The following ERCC2 variants were observed in gnomAD, a reference collection of about 807,000 sequenced individuals.
ERCC2 encodes ERCC excision repair 2, TFIIH core complex helicase subunit.
Under a neutral mutation model 99.4 loss-of-function variants are expected in ERCC2, and 90 were observed. The observed-to-expected ratio is 0.91, with a 90% confidence interval of 0.76 to 1.08. ERCC2 has a LOEUF of 1.08. Among genes scored for constraint, ERCC2 ranks in the 50% least tolerant of loss-of-function variants. ERCC2 has a pLI of 0.00. For synonymous variants in ERCC2, 497 were observed against 432.4 expected (o/e 1.15, Z -1.85); for missense variants, 993 against 1,038.1 (o/e 0.96, Z 0.60).
chr19:45,358,784 T>G lies in ERCC2; in HGVS notation c.1238-1085A>C, dbSNP rs79355499. ...TTTTTTTTCATGATAACTGTCACTT[T>G]CTGGAATTATTTCCTTGTTTATTTG... On this transcript the variant is annotated intron_variant, in intron 12 of 22. Transcript: ENST00000391945. 1.9e-3 allele frequency: 1,506 copies of G among 776,790 alleles called. 9 individuals carry two copies. Among genetic ancestry groups the G allele is most frequent in the Middle Eastern group, 8.1e-3 (36 of 4,430 alleles). The allele number at this position is 776,790 out of a possible 1,614,324, so 48.1% of individuals were successfully genotyped here. A position where few individuals can be genotyped will look rare whatever the true frequency, so the allele number is the denominator to read the frequency against.
intron 11 of ERCC2, among the ~76,000 whole-genome samples, chr19:45,363,121 T>C (rs911427449): frequency 6.6e-6 from 1 of 152,150 alleles, no homozygotes; most frequent in African/African-American, 2.4e-5. Context: ...AGAAGACCCA[T>C]GACTTACCCA....
Position 45,361,608 on chromosome 19 carries a change from T to C in ERCC2, c.1153A>G (p.Thr385Ala), listed in dbSNP as rs773372028. The C allele has an allele frequency of 6.2e-7, 1 of 1,613,656 alleles. No homozygotes were observed. Among genetic ancestry groups the C allele is most frequent in the Non-Finnish European group, 8.5e-7 (1 of 1,179,818 alleles). The part of the protein sequence containing the change: ...CAERLRSLLH[T>A]LEITDLADFS... ...TCAGCAAGGTCGGTGATCTCCAGAG[T>C]ATGCAGCAGGGACCGGAGGCGTTCA... Residue 385 changes from threonine (T) to alanine (A), a missense_variant, in exon 12 of 23, where the codon ACT becomes GCT. Physicochemically the swap from Thr to Ala is moderately conservative, Grantham distance 58. Transcript: ENST00000391945.
At chr19:45,352,185 C>G in intron 22 of ERCC2, 24 bp downstream of exon 22, 1 of 1,611,858 alleles carries the variant, frequency 6.2e-7, no homozygotes, top group Non-Finnish European at 8.5e-7. Flanking sequence ...TGGGAGGGTG[C>G]CGGGAGGGGG....
Position 45,358,535 on chromosome 19 carries a change from A to C in ERCC2, c.1238-836T>G. ...GCCATGTCACCTCCCCGCCCCAAGAAGCCTCCCATGGCCCCCACATGCCTC... is the reference window on the plus strand; with the variant it reads ...GCCATGTCACCTCCCCGCCCCAAGACGCCTCCCATGGCCCCCACATGCCTC... On this transcript the variant is annotated intron_variant, in intron 12 of 22. Transcript: ENST00000391945. The C allele has an allele frequency of 5.1e-6, 2 of 389,510 alleles. 1 individual carries two copies. Among genetic ancestry groups the C allele is most frequent in the South Asian group, 5.5e-5 (2 of 36,440 alleles). 24.1% of individuals were successfully genotyped at this position (389,510 alleles called of 1,614,324 possible).
At position 45,361,585 on chromosome 19, in the gene ERCC2, A is replaced by G. The variant is rs747555177; in HGVS notation, c.1176T>C (p.Ala392=). 6.2e-7 allele frequency: 1 copy of G among 1,614,098 alleles called. No homozygotes were observed. The highest frequency in any genetic ancestry group is 2.2e-5 in the East Asian group (1 of 44,876). The stretch of plus-strand genomic sequence containing the variant: ...CAAGGAGGGTGAGCGGGGAGAAGTC[A>G]GCAAGGTCGGTGATCTCCAGAGTAT... The part of the protein sequence containing the change: ...LLHTLEITDL[A]DFSPLTLLAN... Residue 392 remains alanine (A), a synonymous_variant, in exon 12 of 23, where the codon GCT becomes GCC. Coordinates refer to ENST00000391945, the MANE Select transcript of ERCC2 (RefSeq NM_000400.4).
chr19:45,357,597 G>A (rs761974624), intron 13 of ERCC2, 33 bp downstream of exon 13: 1 of 1,613,962 alleles, frequency 6.2e-7, no homozygotes, highest in Admixed American at 1.7e-5. Context: ...CCGACCCACA[G>A]AGCATTCACA....
At chr19:45,356,910 G>T (rs950287281) in intron 15 of ERCC2, among the ~76,000 whole-genome samples, 3 of 152,174 alleles carry the variant, frequency 2.0e-5, no homozygotes, top group Admixed American at 6.5e-5. Flanking sequence ...GGAGAGGAAG[G>T]CTCACTTACC....
At chr19:45,359,229 G>C (rs1972124117) in intron 12 of ERCC2, among the ~76,000 whole-genome samples, 1 of 152,194 alleles carries the variant, frequency 6.6e-6, no homozygotes, top group Non-Finnish European at 1.5e-5. Flanking sequence ...GGATGAGGAA[G>C]ATGAGGAAGG....
chr19:45,352,686 G>A (rs368712546), intron 20 of ERCC2, 37 bp from the exon 21 acceptor site: 32 of 1,613,852 alleles, frequency 2.0e-5, no homozygotes, highest in Non-Finnish European at 2.5e-5. Context: ...GGGAGGTGGG[G>A]GAGCCACTCC....
At chr19:45,370,082 C>T in intron 2 of ERCC2, 51 bp downstream of exon 2, 1 of 1,581,658 alleles carries the variant, frequency 6.3e-7, no homozygotes, top group Non-Finnish European at 8.7e-7. Flanking sequence ...TAGGCCCAGG[C>T]GTGGCAGCCC....
intron 12 of ERCC2, chr19:45,358,412 C>T (rs773684238): frequency 1.3e-4 from 28 of 210,132 alleles, no homozygotes; most frequent in Non-Finnish European, 2.0e-4. Context: ...CGACCCCACG[C>T]GGGGCCAGCC....
In ERCC2 at chr19:45,354,886, C is replaced by G. The variant is rs552101509; in HGVS notation, c.1544-35G>C. 16 of 1,613,152 alleles carry G rather than the reference C, an allele frequency of 9.9e-6. No homozygotes were observed. The East Asian group carries it at 3.3e-4, about 34-fold the overall frequency. Reference sequence around the variant, plus strand: ...GTCAGAGGTTGGGCCCTCTCCTGGCCCAGGTCCTCCTCCCTTCTCTGTCTT... The same window carrying G: ...GTCAGAGGTTGGGCCCTCTCCTGGCGCAGGTCCTCCTCCCTTCTCTGTCTT... On this transcript the variant is annotated intron_variant, in intron 16 of 22. Transcript: ENST00000391945.
chr19:45,351,326 G>A lies in ERCC2; in HGVS notation c.*303C>T. On this transcript the variant is annotated 3_prime_UTR_variant, in exon 23 of 23. Coordinates refer to ENST00000391945, the MANE Select transcript of ERCC2 (RefSeq NM_000400.4). ...CTGGACAAGGCCCCTCGGACCCTCA[G>A]CGCCAGCACCCAGGACCTGAGCCCC... 8.1e-6 allele frequency: 13 copies of A among 1,612,214 alleles called. No individual in the cohort carries two copies. Among genetic ancestry groups the A allele is most frequent in the African/African-American group, 1.3e-5 (1 of 75,006 alleles).
At chr19:45,366,039 G>T (rs1028719323) in intron 5 of ERCC2, among the ~76,000 whole-genome samples, 31 of 151,868 alleles carry the variant, frequency 2.0e-4, no homozygotes, top group African/African-American at 7.0e-4. Context: ...GTCTTGCTAT[G>T]TTGCCCAGGC....
At chr19:45,367,580 C>T (rs1220260018) in intron 5 of ERCC2, among the ~76,000 whole-genome samples, 2 of 149,200 alleles carry the variant, frequency 1.3e-5, no homozygotes, top group East Asian at 2.0e-4. Context: ...TGCAGTGGCG[C>T]GATCTCGGCT....
chr19:45,360,494 C>T (rs935169350), intron 12 of ERCC2, among the ~76,000 whole-genome samples: 7 of 151,892 alleles, frequency 4.6e-5, no homozygotes, highest in African/African-American at 1.5e-4. Context: ...TCTCCTGCCT[C>T]AGCCTCTCAA....
intron 19 of ERCC2, 56 bp from the exon 20 acceptor site, chr19:45,352,872 G>C (rs1054517883): frequency 1.9e-6 from 3 of 1,539,860 alleles, no homozygotes; most frequent in Non-Finnish European, 2.7e-6. Flanking sequence ...GGTGGGACAG[G>C]GACAGCCTCA....
Position 45,351,491 on chromosome 19 carries a change from G to A in ERCC2, c.*138C>T. 1.3e-6 allele frequency: 2 copies of A among 1,589,400 alleles called. No individual in the cohort carries two copies. Among genetic ancestry groups the A allele is most frequent in the Non-Finnish European group, 1.7e-6 (2 of 1,171,778 alleles). ...ACCTGGTGGATAGCTGCCTTCTCCT[G>A]CGATTAAAGGCTGTGGACGTGACAG... On this transcript the variant is annotated 3_prime_UTR_variant, in exon 23 of 23. Coordinates refer to ENST00000391945, the MANE Select transcript of ERCC2 (RefSeq NM_000400.4).
chr19:45,358,558 C>T, intron 12 of ERCC2: 1 of 429,370 alleles, frequency 2.3e-6, no homozygotes, highest in South Asian at 2.4e-5. Flanking sequence ...CCCCACATGC[C>T]TCCAGTGGCC....
Sources: gnomAD v4.1 joint callset for allele counts (sites outside exome capture counted in the v4.1 genomes callset) on GRCh38, gnomAD v4.1.1 for gene constraint, MANE v1.5 for transcripts, NCBI Gene and HGNC (gene_info 2026-07-23, HGNC 2026-07-21) for gene names.